ST7: variants seen among roughly 807,000 people sequenced by gnomAD.
The protein encoded by ST7 is suppressor of tumorigenicity 7 protein.
A neutral mutation model predicts 78.7 loss-of-function variants in ST7; 28 were observed. The ratio of observed to expected loss-of-function variants is 0.36; its 90% CI spans 0.26 to 0.49. The LOEUF (loss-of-function observed/expected upper bound fraction) is 0.49. Ranked by LOEUF, ST7 falls within the 20% of genes least tolerant of loss-of-function variation. ST7 has a pLI of 0.99. For synonymous variants in ST7, 247 were observed against 249.6 expected, an observed-to-expected ratio of 0.99 and a Z score of 0.10; for missense variants, 418 against 696.0, an observed-to-expected ratio of 0.60 and a Z score of 4.49.
chr7:117,136,646 G>T lies in ST7; in HGVS notation c.865+411G>T, dbSNP rs1804813676. On this transcript the variant is annotated intron_variant, in intron 8 of 15. Transcript: ENST00000323984. ...TTATAGATCTTCTACAACATGGATT[G>T]AAATAGGACAATTAAGAATATAAGT... The T allele has an allele frequency of 1.1e-5, 3 of 263,836 alleles. No individual in the cohort carries two copies. The South Asian group carries it at 2.4e-4, about 21-fold the overall frequency. The allele number at this position is 263,836 out of a possible 1,614,324, so 16.3% of individuals were successfully genotyped here.
intron 1 of ST7, among the ~76,000 whole-genome samples, chr7:117,024,771 G>A (rs1374065292): frequency 6.6e-6 from 1 of 152,120 alleles, no homozygotes; most frequent in East Asian, 1.9e-4. Flanking sequence ...GCTCTGGTGT[G>A]GCTGGTCCAC....
intron 12 of ST7, among the ~76,000 whole-genome samples, chr7:117,195,031 T>A (rs1189201563): frequency 6.6e-6 from 1 of 152,236 alleles, no homozygotes; most frequent in Non-Finnish European, 1.5e-5. Flanking sequence ...CTAAATTATT[T>A]GTTTGTTACA....
intron 1 of ST7, chr7:117,073,166 GTAATAACAACTGAA>G (rs1316766765): frequency 1.3e-5 from 2 of 152,120 alleles, no homozygotes; most frequent in Admixed American, 6.5e-5. Flanking sequence ...AATAAAATCA[GTAATAACAACTGAA>G]TAATAACAAC....
chr7:117,019,256 T>C (rs1171829549), intron 1 of ST7, among the ~76,000 whole-genome samples: 1 of 152,234 alleles, frequency 6.6e-6, no homozygotes, highest in Non-Finnish European at 1.5e-5. Context: ...CATTTCAGTA[T>C]TTTAAAAACA....
intron 1 of ST7, chr7:117,072,689 C>T (rs971392147): frequency 2.0e-5 from 3 of 152,162 alleles, no homozygotes; most frequent in Admixed American, 6.5e-5. Flanking sequence ...CCATTGACAA[C>T]CTATTCTGGG....
intron 12 of ST7, among the ~76,000 whole-genome samples, chr7:117,197,767 A>G (rs1243732467): frequency 6.6e-6 from 1 of 152,226 alleles, no homozygotes; most frequent in Non-Finnish European, 1.5e-5. Flanking sequence ...CAGAGCAAGG[A>G]ATAATGACCT....
In ST7 at chr7:116,953,534, C is replaced by T. The variant is rs1792252306; in HGVS notation, c.-7C>T. The T allele has an allele frequency of 2.2e-6, 3 of 1,371,578 alleles. No homozygotes were observed. Among genetic ancestry groups the T allele is most frequent in the Non-Finnish European group, 1.9e-6 (2 of 1,038,088 alleles). The allele number at this position is 1,371,578 out of a possible 1,614,324, so 85.0% of individuals were successfully genotyped here. A position where few individuals can be genotyped will look rare whatever the true frequency, so the allele number is the denominator to read the frequency against. On this transcript the variant is annotated 5_prime_UTR_variant, in exon 1 of 16. Coordinates refer to ENST00000323984, the MANE Select transcript of ST7 (RefSeq NM_001369598.1). The stretch of plus-strand genomic sequence containing the variant: ...AGAGCCGCGGCAGCAGAGAGGAGCG[C>T]TGAAACATGGCTGAAGCGGCCACGG...
At chr7:117,118,311 T>A (rs1445830295) in intron 2 of ST7, 1 of 152,272 alleles carries the variant, frequency 6.6e-6, no homozygotes, top group Non-Finnish European at 1.5e-5. Flanking sequence ...AAGCATTTCA[T>A]GTAAGGGATA....
At chr7:117,187,896 G>C (rs956156986) in intron 10 of ST7, among the ~76,000 whole-genome samples, 1 of 152,160 alleles carries the variant, frequency 6.6e-6, no homozygotes, top group African/African-American at 2.4e-5. Context: ...ACACTGGAAA[G>C]CTGTTAAATG....
intron 1 of ST7, among the ~76,000 whole-genome samples, chr7:117,057,989 T>C (rs769856024): frequency 6.6e-6 from 1 of 152,204 alleles, no homozygotes; most frequent in Non-Finnish European, 1.5e-5. Context: ...AATGACTGTT[T>C]CTTGTGTGGG....
intron 2 of ST7, among the ~76,000 whole-genome samples, chr7:117,106,958 T>C (rs1237037209): frequency 6.6e-6 from 1 of 151,704 alleles, no homozygotes; most frequent in African/African-American, 2.4e-5. Flanking sequence ...CCTCATAGTT[T>C]AGCTCCCACT....
At chr7:117,168,208 G>A (rs1807713713) in intron 9 of ST7, among the ~76,000 whole-genome samples, 1 of 152,138 alleles carries the variant, frequency 6.6e-6, no homozygotes, top group Non-Finnish European at 1.5e-5. Flanking sequence ...TGAAAGCACT[G>A]CTCTTTAAGC....
At chr7:116,969,911 A>G (rs973908542) in intron 1 of ST7, among the ~76,000 whole-genome samples, 1 of 152,178 alleles carries the variant, frequency 6.6e-6, no homozygotes, top group Non-Finnish European at 1.5e-5. Flanking sequence ...CCCTGTGTCT[A>G]GTAAAAATAC....
chr7:117,073,790 G>A (rs1006138932), intron 1 of ST7: 31 of 152,264 alleles, frequency 2.0e-4, no homozygotes, highest in Admixed American at 1.8e-3. Flanking sequence ...ATAAATGTTT[G>A]TTAAGCAAAT....
At position 116,972,747 on chromosome 7, in the gene ST7, C is replaced by T; in HGVS notation, c.151+19056C>T. The T allele has an allele frequency of 3.2e-6, 3 of 923,800 alleles. No individual in the cohort carries two copies. In the East Asian group the frequency reaches 7.2e-5, roughly 22 times the overall value. The allele number at this position is 923,800 out of a possible 1,614,324, so 57.2% of individuals were successfully genotyped here. On this transcript the variant is annotated intron_variant, in intron 1 of 15. Transcript: ENST00000323984. ...CCAGCTTCTCATGAACCAGCTGGAT[C>T]CTACGGTTCAAGGAGGCCACCTCAG...
intron 1 of ST7, among the ~76,000 whole-genome samples, chr7:117,065,342 G>A (rs1024714506): frequency 1.3e-5 from 2 of 151,926 alleles, no homozygotes; most frequent in African/African-American, 4.8e-5. Context: ...CCGGGTAGCT[G>A]GGATTACAGG....
chr7:117,075,744 T>G (rs974830723), intron 1 of ST7, among the ~76,000 whole-genome samples: 9 of 152,242 alleles, frequency 5.9e-5, no homozygotes, highest in Non-Finnish European at 1.3e-4. Context: ...AAGTCAATAA[T>G]TTATCCTGAT....
chr7:117,181,289 G>A (rs1265537152), intron 10 of ST7, among the ~76,000 whole-genome samples: 1 of 152,130 alleles, frequency 6.6e-6, no homozygotes. Flanking sequence ...CACATTACAG[G>A]ATTTAATGTA....
At chr7:117,160,232 CAAA>C (rs572498971) in intron 9 of ST7, among the ~76,000 whole-genome samples, 2 of 113,736 alleles carry the variant, frequency 1.8e-5, no homozygotes, top group African/African-American at 3.1e-5. Context: ...AACTGTGTCT[CAAA>C]AAAAAAAAAA....
Sources: gnomAD v4.1 joint callset for allele counts (sites outside exome capture counted in the v4.1 genomes callset) on GRCh38, gnomAD v4.1.1 for gene constraint, MANE v1.5 for transcripts, NCBI Gene and HGNC (gene_info 2026-07-23, HGNC 2026-07-21) for gene names.